The following DCTN5 variants were observed in gnomAD, a reference collection of about 807,000 sequenced individuals.
DCTN5 encodes dynactin subunit 5, also known as dynactin 4.
A neutral mutation model predicts 23.5 loss-of-function variants in DCTN5; 14 were observed. That is an observed-to-expected ratio of 0.60 (90% confidence interval 0.39 to 0.93). The LOEUF is 0.93. Among genes scored for constraint, DCTN5 ranks in the 40% least tolerant of loss-of-function variants. The pLI, the probability that DCTN5 is intolerant of heterozygous loss-of-function variation, is 0.00. For missense variants in DCTN5, 156 were observed against 225.9 expected (o/e 0.69, Z 1.98); for synonymous variants, 67 against 79.6 (o/e 0.84, Z 0.84).
chr16:23,643,028 G>A lies in DCTN5; in HGVS notation c.117+5G>A. Reference sequence around the variant, plus strand: ...AACATCGTTCTCAATGGCAAGGTAAGGGACAAAGCCAGCTCCAGGCTGCAA... The same window carrying A: ...AACATCGTTCTCAATGGCAAGGTAAAGGACAAAGCCAGCTCCAGGCTGCAA... On this transcript the variant is annotated splice_donor_5th_base_variant and intron_variant, in intron 2 of 5. Coordinates refer to ENST00000300087, the MANE Select transcript of DCTN5 (RefSeq NM_032486.4). 6.2e-7 allele frequency: 1 copy of A among 1,613,874 alleles called. No homozygotes were observed. The highest frequency in any genetic ancestry group is 8.5e-7 in the Non-Finnish European group (1 of 1,179,766).
rs1967965543 is a variant in DCTN5, at chr16:23,669,424, A to C, written c.*2280A>C. The C allele has an allele frequency of 6.6e-6, 1 of 152,200 alleles. No homozygotes were observed. The highest frequency in any genetic ancestry group is 2.4e-5 in the African/African-American group (1 of 41,404). 9.4% of individuals were successfully genotyped at this position (152,200 alleles called of 1,614,324 possible). Reference sequence around the variant, plus strand: ...CACAGCACCAGTTATTGATAAAAAGAGCTCCCCTTTGCTGACAGAACTGCT... The same window carrying C: ...CACAGCACCAGTTATTGATAAAAAGCGCTCCCCTTTGCTGACAGAACTGCT... On this transcript the variant is annotated 3_prime_UTR_variant, in exon 6 of 6. Coordinates refer to ENST00000300087, the MANE Select transcript of DCTN5 (RefSeq NM_032486.4).
At position 23,641,690 on chromosome 16, in the gene DCTN5, C is replaced by T. The variant is rs951198892; in HGVS notation, c.48+100C>T. On this transcript the variant is annotated intron_variant, in intron 1 of 5. Transcript: ENST00000300087. ...TGCCCCTACCCCACCAACCCCTGTC[C>T]CTTTGGCCATTAGTCCCGGATTATC... The T allele has an allele frequency of 3.2e-6, 4 of 1,268,780 alleles. No homozygotes were observed. In the African/African-American group the frequency reaches 4.4e-5, roughly 14 times the overall value. The allele number at this position is 1,268,780 out of a possible 1,614,324, so 78.6% of individuals were successfully genotyped here. A position where few individuals can be genotyped will look rare whatever the true frequency, so the allele number is the denominator to read the frequency against.
rs553429332 is a variant in DCTN5, at chr16:23,650,669, C to T, written c.117+7646C>T. On this transcript the variant is annotated intron_variant, in intron 2 of 5. Coordinates refer to ENST00000300087, the MANE Select transcript of DCTN5 (RefSeq NM_032486.4). ...ACTGCTGTGTACAATTCCACTTATCCACCCTCCTCTTGGTGGAAAGTTACT... is the reference window on the plus strand; with the variant it reads ...ACTGCTGTGTACAATTCCACTTATCTACCCTCCTCTTGGTGGAAAGTTACT... 45 of 1,280,934 alleles carry T rather than the reference C, an allele frequency of 3.5e-5. No homozygotes were observed. In the African/African-American group the frequency reaches 6.2e-4, roughly 18 times the overall value. The allele number at this position is 1,280,934 out of a possible 1,614,324, so 79.3% of individuals were successfully genotyped here. A position where few individuals can be genotyped will look rare whatever the true frequency, so the allele number is the denominator to read the frequency against.
intron 2 of DCTN5, among the ~76,000 whole-genome samples, chr16:23,654,780 G>A (rs8062384): frequency 0.063 from 9,627 of 151,980 alleles, 641 homozygotes; most frequent in African/African-American, 0.16. Context: ...TTGGCCTTTG[G>A]TAACCAACAG....
chr16:23,650,886 G>T (rs1161578441), intron 2 of DCTN5: 3 of 1,400,352 alleles, frequency 2.1e-6, no homozygotes, highest in Non-Finnish European at 2.9e-6. Flanking sequence ...GTGAATTGGA[G>T]AATGTGACCA....
At chr16:23,650,702 T>G in intron 2 of DCTN5, 1 of 1,483,236 alleles carries the variant, frequency 6.7e-7, no homozygotes, top group Non-Finnish European at 9.1e-7. Context: ...ACTTTGTTTC[T>G]AGTTTTTTGC....
chr16:23,644,399 C>T (rs1397150612), intron 2 of DCTN5, among the ~76,000 whole-genome samples: 3 of 150,486 alleles, frequency 2.0e-5, no homozygotes, highest in African/African-American at 7.3e-5. Flanking sequence ...CTCCCAGGCT[C>T]ACGCCATTCT....
At chr16:23,651,537 A>C (rs1464541886) in intron 2 of DCTN5, among the ~76,000 whole-genome samples, 1 of 152,226 alleles carries the variant, frequency 6.6e-6, no homozygotes, top group African/African-American at 2.4e-5. Context: ...AAACACAATA[A>C]AACAACCACC....
At chr16:23,664,372 CAT>C (rs1357713553) in intron 4 of DCTN5, among the ~76,000 whole-genome samples, 2 of 152,164 alleles carry the variant, frequency 1.3e-5, no homozygotes, top group Admixed American at 6.5e-5. Context: ...CCTAGAAAAA[CAT>C]ATGATTTAAG....
At chr16:23,653,121 G>A (rs980870113) in intron 2 of DCTN5, among the ~76,000 whole-genome samples, 6 of 152,192 alleles carry the variant, frequency 3.9e-5, no homozygotes, top group South Asian at 2.1e-4. Flanking sequence ...CAGCCTGGGC[G>A]GCAGAGTGAG....
At chr16:23,655,704 C>T (rs765154126) in intron 2 of DCTN5, among the ~76,000 whole-genome samples, 1 of 152,090 alleles carries the variant, frequency 6.6e-6, no homozygotes, top group African/African-American at 2.4e-5. Flanking sequence ...ACCACCACAT[C>T]TGGCTAATTT....
At chr16:23,650,924 G>T in intron 2 of DCTN5, 1 of 1,406,390 alleles carries the variant, frequency 7.1e-7, no homozygotes, top group Non-Finnish European at 9.7e-7. Flanking sequence ...TTGTTACTGT[G>T]TGGGAATACA....
chr16:23,654,034 A>G (rs185819540), intron 2 of DCTN5, among the ~76,000 whole-genome samples: 1 of 152,318 alleles, frequency 6.6e-6, no homozygotes, highest in Admixed American at 6.5e-5. Flanking sequence ...TCAGAAAATA[A>G]CAGATGCTGG....
At chr16:23,655,483 C>T (rs1375203116) in intron 2 of DCTN5, among the ~76,000 whole-genome samples, 1 of 151,964 alleles carries the variant, frequency 6.6e-6, no homozygotes, top group Non-Finnish European at 1.5e-5. Context: ...CTTAGTGATC[C>T]TTCCGCCTCA....
At chr16:23,651,253 C>G in intron 2 of DCTN5, 1 of 968,910 alleles carries the variant, frequency 1.0e-6, no homozygotes. Context: ...GGGCAGCCAC[C>G]TCCTTTCATT....
At chr16:23,645,954 G>A (rs1031061398) in intron 2 of DCTN5, among the ~76,000 whole-genome samples, 2 of 152,146 alleles carry the variant, frequency 1.3e-5, no homozygotes, top group East Asian at 1.9e-4. Context: ...ACAAAAGAGC[G>A]TGATTGCTGG....
chr16:23,666,491 A>G (rs1405045682), intron 5 of DCTN5: 1 of 153,836 alleles, frequency 6.5e-6, no homozygotes, highest in African/African-American at 2.4e-5. Context: ...AAACTTGGAA[A>G]ACACTGAAAA....
In DCTN5 at chr16:23,664,151, A is replaced by C. The variant is rs116420812; in HGVS notation, c.349-1475A>C. Among the ~76,000 whole-genome samples the C allele has an allele frequency of 4.2e-3, 639 of 152,318 alleles. 3 individuals are homozygous for C. The highest frequency in any genetic ancestry group is 0.013 in the African/African-American group (561 of 41,564). On this transcript the variant is annotated intron_variant, in intron 4 of 5. Transcript: ENST00000300087. ...GGGAAGATAGTTGCCCTATTTTTGA[A>C]ATTGCCACTAGCAGGTAACCCACGG...
rs1007697120 is a variant in DCTN5 at position 23,641,481 on chromosome 16, C to T, written c.-62C>T. ...AGGAGCGGCCGGAAGTAGCCGGAAT[C>T]TCTGAAAGACTGACCGACTGACTCT... On this transcript the variant is annotated 5_prime_UTR_variant, in exon 1 of 6. Transcript: ENST00000300087. The T allele has an allele frequency of 4.4e-6, 7 of 1,601,986 alleles. No individual in the cohort carries two copies. Among genetic ancestry groups the T allele is most frequent in the East Asian group, 2.2e-5 (1 of 44,752 alleles).
Sources: gnomAD v4.1 joint callset for allele counts (sites outside exome capture counted in the v4.1 genomes callset) on GRCh38, gnomAD v4.1.1 for gene constraint, MANE v1.5 for transcripts, NCBI Gene and HGNC (gene_info 2026-07-23, HGNC 2026-07-21) for gene names.